Variants in ROCK2 observed in about 807,000 individuals in gnomAD.
ROCK2 encodes the protein Rho associated coiled-coil containing protein kinase 2.
A neutral mutation model predicts 195.1 loss-of-function variants in ROCK2; 61 were observed. The ratio of observed to expected loss-of-function variants is 0.31; its 90% confidence interval spans 0.25 to 0.39. The LOEUF (loss-of-function observed/expected upper bound fraction) is 0.39. ROCK2 is among the 10% of genes least tolerant of loss of function. The pLI is 1.00. For missense variants in ROCK2, 1,109 were observed against 1,637.4 expected (o/e 0.68, Z 5.57); for synonymous variants, 504 against 545.5 (o/e 0.92, Z 1.06).
chr2:11,219,012 G>C lies in ROCK2; in HGVS notation c.1274C>G (p.Ser425Cys). Reference protein sequence around the residue: ...YYRENLLLSDSPSCRETDSIQ... With the variant: ...YYRENLLLSDCPSCRETDSIQ... ...GGAATCAGTTTCTCTACAAGATGGAGAGTCACTTAATAATCTACATGGAAG... is the reference window on the plus strand; with the variant it reads ...GGAATCAGTTTCTCTACAAGATGGACAGTCACTTAATAATCTACATGGAAG... The change falls in exon 10 of 33, where the codon TCT (serine) becomes TGT (cysteine). Residue 425 changes from serine (S) to cysteine (C), a missense_variant. This residue lies in a region of ROCK2 where 542 missense variants were observed against 672.0 expected (regional missense o/e 0.81). Transcript: ENST00000315872. The C allele has an allele frequency of 3.4e-6, 5 of 1,473,404 alleles. No individual in the cohort carries two copies. The highest frequency in any genetic ancestry group is 4.6e-6 in the Non-Finnish European group (5 of 1,076,774). The allele number at this position is 1,473,404 out of a possible 1,614,324, so 91.3% of individuals were successfully genotyped here. A position where few individuals can be genotyped will look rare whatever the true frequency, so the allele number is the denominator to read the frequency against.
In ROCK2 at chr2:11,214,393, CTT is replaced by C; in HGVS notation, c.2005_2006del (p.Lys669GlufsTer9). On this transcript the variant is annotated frameshift_variant, in exon 17 of 33. Coordinates refer to ENST00000315872, the MANE Select transcript of ROCK2 (RefSeq NM_004850.5). LOFTEE classifies it high-confidence loss of function. ...KILLAKVELE[K>X]RQLQERFTDL... ...CAGTAAATCTCTCCTGAAGTTGTCT[CTT>C]CTCCAGTTCTACTTTCGCTAGTAAG... The C allele has an allele frequency of 6.2e-7, 1 of 1,606,542 alleles. No homozygotes were observed. Among genetic ancestry groups the C allele is most frequent in the East Asian group, 2.2e-5 (1 of 44,800 alleles).
chr2:11,201,541 A>C lies in ROCK2; in HGVS notation c.2620-128T>G. 1.6e-6 allele frequency: 1 copy of C among 619,390 alleles called. No homozygotes were observed. Among genetic ancestry groups the C allele is most frequent in the South Asian group, 2.0e-5 (1 of 49,550 alleles). 38.4% of individuals were successfully genotyped at this position (619,390 alleles called of 1,614,324 possible). A position where few individuals can be genotyped will look rare whatever the true frequency, so the allele number is the denominator to read the frequency against. On this transcript the variant is annotated intron_variant, in intron 21 of 32. Transcript: ENST00000315872. This position sits in a 1 kb window ranked among gnomAD's most constrained non-coding sequence, Gnocchi z 4.6. ...TTTCTTACTGCTAAGTCCCCGAGCA[A>C]ATGAATAGTTTAATGAACTTTCCTA...
intron 6 of ROCK2, 139 bp from the exon 7 acceptor site, chr2:11,224,599 C>T (rs77726940): frequency 1.4e-6 from 1 of 713,886 alleles, no homozygotes; most frequent in East Asian, 2.6e-5. Flanking sequence ...GAGTCCCAGT[C>T]AAAACAACAG....
chr2:11,294,210 G>A (rs1667444558), intron 1 of ROCK2, among the ~76,000 whole-genome samples: 2 of 151,774 alleles, frequency 1.3e-5, no homozygotes, highest in African/African-American at 4.8e-5. Flanking sequence ...GAAAAGAAAG[G>A]AAAGAAAGGA....
At chr2:11,283,246 G>A (rs1429450228) in intron 3 of ROCK2, among the ~76,000 whole-genome samples, 1 of 139,036 alleles carries the variant, frequency 7.2e-6, no homozygotes, top group Non-Finnish European at 1.6e-5. Context: ...CCAGCCTGGC[G>A]ACAGAGACTC....
intron 1 of ROCK2, among the ~76,000 whole-genome samples, chr2:11,296,048 GAGAA>G (rs1384789941): frequency 2.0e-5 from 3 of 146,960 alleles, no homozygotes; most frequent in Non-Finnish European, 3.0e-5. Flanking sequence ...GAGAGAGAGA[GAGAA>G]AACAAAGGGT....
intron 5 of ROCK2, among the ~76,000 whole-genome samples, chr2:11,229,563 CAA>C (rs200491599): frequency 1.2e-5 from 1 of 84,770 alleles, no homozygotes; most frequent in Non-Finnish European, 2.5e-5. Context: ...TTCACGTATC[CAA>C]AAAAAAAAAT....
intron 13 of ROCK2, 150 bp from the exon 14 acceptor site, chr2:11,215,795 G>A: frequency 1.6e-6 from 1 of 642,080 alleles, no homozygotes; most frequent in South Asian, 2.3e-5. Context: ...TTCTATGATT[G>A]TAAACTAGCA....
intron 4 of ROCK2, among the ~76,000 whole-genome samples, chr2:11,242,281 C>T (rs1206203029): frequency 6.6e-6 from 1 of 152,102 alleles, no homozygotes; most frequent in Non-Finnish European, 1.5e-5. Flanking sequence ...TTACTGAACA[C>T]AAAAGGCCAT....
At chr2:11,304,154 A>G (rs1462814812) in intron 1 of ROCK2, among the ~76,000 whole-genome samples, 1 of 152,004 alleles carries the variant, frequency 6.6e-6, no homozygotes, top group Non-Finnish European at 1.5e-5. Context: ...TCCTAAATTC[A>G]TTATCTCTAT....
Position 11,317,612 on chromosome 2 carries a change from A to ATTTTTTTTTTT in ROCK2, c.141+26373_141+26383dup, listed in dbSNP as rs1553317464. ...TATATATATATATATATATATATAT[A>ATTTTTTTTTTT]TTTTTTTTTTTTTTTAATTATACTT... On this transcript the variant is annotated intron_variant, in intron 1 of 32. Transcript: ENST00000315872. Among the ~76,000 whole-genome samples the ATTTTTTTTTTT allele has an allele frequency of 1.0e-4, 2 of 19,310 alleles. 1 individual carries two copies. The highest frequency in any genetic ancestry group is 3.2e-4 in the African/African-American group (2 of 6,272). The allele number at this position is 19,310 out of a possible 152,430, so 12.7% of individuals were successfully genotyped here.
At chr2:11,194,660 A>G (rs1469726041) in intron 28 of ROCK2, among the ~76,000 whole-genome samples, 5 of 152,078 alleles carry the variant, frequency 3.3e-5, no homozygotes, top group Non-Finnish European at 7.4e-5. Context: ...TAACAGAGGA[A>G]AATAAATAAG....
intron 20 of ROCK2, among the ~76,000 whole-genome samples, chr2:11,205,599 T>A (rs986526185): frequency 2.7e-4 from 38 of 143,330 alleles, no homozygotes; most frequent in African/African-American, 9.9e-4. Context: ...TTGCATGTAT[T>A]TTTTTTTTTT....
At chr2:11,215,297 T>G in intron 15 of ROCK2, 24 bp downstream of exon 15, 2 of 1,542,234 alleles carry the variant, frequency 1.3e-6, no homozygotes, top group Non-Finnish European at 1.8e-6. Flanking sequence ...CCCAGTATCT[T>G]TACTACAAAT....
At chr2:11,317,012 T>G (rs1051257898) in intron 1 of ROCK2, among the ~76,000 whole-genome samples, 15 of 152,170 alleles carry the variant, frequency 9.9e-5, no homozygotes, top group Non-Finnish European at 4.4e-5. Context: ...CTTAATAGTT[T>G]GAGACCTTCT....
At chr2:11,266,380 A>AT (rs1220771653) in intron 3 of ROCK2, among the ~76,000 whole-genome samples, 1 of 152,210 alleles carries the variant, frequency 6.6e-6, no homozygotes, top group Admixed American at 6.5e-5. Flanking sequence ...TTTCAGCTCC[A>AT]TTATAGTCTT....
Position 11,242,554 on chromosome 2 carries a change from C to G in ROCK2, c.463-6592G>C, listed in dbSNP as rs570178818. 6.6e-5 allele frequency among the ~76,000 whole-genome samples: 10 copies of G among 152,028 alleles called. No homozygotes were observed. In the South Asian group the frequency reaches 1.5e-3, roughly 22 times the overall value. ...TGAGGAAACCAAGATAAGCAGAATC[C>G]CACCCTAAATCTTATCAAGTGCCAC... On this transcript the variant is annotated intron_variant, in intron 4 of 32. Coordinates refer to ENST00000315872, the MANE Select transcript of ROCK2 (RefSeq NM_004850.5).
upstream of ROCK2, among the ~76,000 whole-genome samples, chr2:11,344,993 G>A (rs1398269269): frequency 6.6e-6 from 1 of 150,528 alleles, no homozygotes; most frequent in Non-Finnish European, 1.5e-5. This position sits in a 1 kb window ranked among gnomAD's most constrained non-coding sequence, Gnocchi z 5.4. Context: ...CAGACGCCGG[G>A]CCCAGCGCAC....
intron 1 of ROCK2, among the ~76,000 whole-genome samples, chr2:11,330,940 AAGGGG>A (rs1318310521): frequency 6.3e-3 from 5 of 788 alleles, no homozygotes; most frequent in African/African-American, 0.011. Context: ...AGGAGGGAGG[AAGGGG>A]GGAGGGAGGA....
Sources: gnomAD v4.1 joint callset for allele counts (sites outside exome capture counted in the v4.1 genomes callset) on GRCh38, gnomAD v4.1.1 for gene constraint, gnomAD v4.1.1 regional missense constraint, Gnocchi (gnomAD v3.1) non-coding constraint, MANE v1.5 for transcripts, NCBI Gene and HGNC (gene_info 2026-07-23, HGNC 2026-07-21) for gene names.